MARF1: variants seen among roughly 807,000 people sequenced by gnomAD.
MARF1 encodes limkain-b1.
Under a neutral mutation model 168.2 loss-of-function variants are expected in MARF1, and 24 were observed. The ratio of observed to expected loss-of-function variants is 0.14; its 90% CI spans 0.10 to 0.20. The LOEUF is 0.20. Ranked by LOEUF, MARF1 falls within the 10% of genes least tolerant of loss-of-function variation. The pLI, the probability that MARF1 is intolerant of heterozygous loss-of-function variation, is 1.00. For missense variants in MARF1, 1,744 were observed against 2,143.6 expected, an observed-to-expected ratio of 0.81 and a Z score of 3.68; for synonymous variants, 868 against 822.4, an observed-to-expected ratio of 1.06 and a Z score of -0.95.
intron 26 of MARF1, 57 bp downstream of exon 26, chr16:15,598,797 T>A (rs922491260): frequency 6.6e-7 from 1 of 1,517,954 alleles, no homozygotes; most frequent in African/African-American, 1.4e-5. Flanking sequence ...CAGTATCTCA[T>A]CGTGGTTTTG....
At chr16:15,611,892 T>C (rs1161469185) in intron 17 of MARF1, among the ~76,000 whole-genome samples, 158 bp from the exon 18 acceptor site, 1 of 152,182 alleles carries the variant, frequency 6.6e-6, no homozygotes, top group African/African-American at 2.4e-5. Flanking sequence ...ATGTAGTTGG[T>C]CAAAAGGAAC....
chr16:15,632,188 A>T (rs139422644), intron 5 of MARF1, among the ~76,000 whole-genome samples: 45 of 152,306 alleles, frequency 3.0e-4, no homozygotes, highest in African/African-American at 1.0e-3. Context: ...CTTTCAGAAA[A>T]TAAGTAGAAT....
intron 5 of MARF1, 30 bp downstream of exon 5, chr16:15,633,587 G>A (rs1010467183): frequency 2.1e-6 from 3 of 1,430,178 alleles, no homozygotes; most frequent in Non-Finnish European, 9.6e-7. Context: ...CTCTACTGTA[G>A]ATTAAAATTA....
rs1156389136 is a variant in MARF1, at chr16:15,636,115, T to A, written c.372A>T (p.Gly124=). 1 of 1,614,048 alleles carries A rather than the reference T, an allele frequency of 6.2e-7. No individual in the cohort carries two copies. The highest frequency in any genetic ancestry group is 1.3e-5 in the African/African-American group (1 of 74,904). Residue 124 remains glycine (G), a synonymous_variant, in exon 3 of 27, where the codon GGA becomes GGT. Transcript: ENST00000396368. ...CCGGGTGAATCAAGCTACTGGTACC[T>A]CCGCTACCGCCACCACCACCACCAA... The part of the protein sequence containing the change: ...MRFGGGGGGS[G]GTSSLIHPGA...
At chr16:15,605,269 A>G (rs943554445) in intron 21 of MARF1, among the ~76,000 whole-genome samples, 4 of 152,180 alleles carry the variant, frequency 2.6e-5, no homozygotes, top group Admixed American at 2.0e-4. Flanking sequence ...TTTTCCTGCC[A>G]GGGCCAAAGG....
chr16:15,615,130 C>T (rs1241288270), intron 16 of MARF1, among the ~76,000 whole-genome samples: 1 of 152,230 alleles, frequency 6.6e-6, no homozygotes, highest in East Asian at 1.9e-4. Flanking sequence ...AAAAGCTTCA[C>T]AAAATTAGGT....
chr16:15,613,134 G>A (rs1176270386), intron 16 of MARF1, among the ~76,000 whole-genome samples: 4 of 152,118 alleles, frequency 2.6e-5, no homozygotes, highest in South Asian at 2.1e-4. Context: ...CATGTGGAAC[G>A]TACCTTTCCA....
At position 15,640,682 on chromosome 16, in the gene MARF1, T is replaced by G. The variant is rs1478579300; in HGVS notation, c.-58-1391A>C. Among the ~76,000 whole-genome samples the G allele has an allele frequency of 2.6e-5, 4 of 152,156 alleles. No individual in the cohort carries two copies. In the South Asian group the frequency reaches 6.2e-4, roughly 24 times the overall value. On this transcript the variant is annotated intron_variant, in intron 1 of 26. Coordinates refer to ENST00000396368, the MANE Select transcript of MARF1 (RefSeq NM_014647.4). ...CTGCACTGCAGCCTGGGCGACGGAGTGAGACCCTGTCTCAAAAACCAACAA... is the reference window on the plus strand; with the variant it reads ...CTGCACTGCAGCCTGGGCGACGGAGGGAGACCCTGTCTCAAAAACCAACAA...
intron 25 of MARF1, 84 bp downstream of exon 25, chr16:15,600,344 G>A: frequency 6.4e-7 from 1 of 1,566,236 alleles, no homozygotes; most frequent in South Asian, 1.1e-5. Flanking sequence ...ACTTGCTGGA[G>A]TCCTTTCCCT....
chr16:15,611,145 A>G (rs748899842), intron 18 of MARF1, 37 bp from the exon 19 acceptor site: 40 of 1,604,138 alleles, frequency 2.5e-5, no homozygotes, highest in Non-Finnish European at 6.0e-6. Flanking sequence ...CGGAATGAGT[A>G]GTATCATCGG....
At chr16:15,599,465 G>A (rs999790435) in intron 25 of MARF1, among the ~76,000 whole-genome samples, 4 of 152,192 alleles carry the variant, frequency 2.6e-5, no homozygotes, top group African/African-American at 9.6e-5. Context: ...CCGAGCCTCC[G>A]CTGCACAACG....
rs770083686 is a variant in MARF1 at position 15,612,573 on chromosome 16, A to G, written c.3458T>C (p.Val1153Ala). ...YSKLIELLEA[V>A]PHVLQILGMG... ...ACGCCTTACCTGCAATACATGAGGC[A>G]CTGCTTCTAATAACTCAATCAGCTT... Residue 1153 changes from valine (V) to alanine (A), a missense_variant, in exon 17 of 27, where the codon GTG becomes GCG. By Grantham distance (64) the Val-to-Ala change is moderately conservative. This residue lies in a region of MARF1 where 543 missense variants were observed against 742.1 expected (regional missense o/e 0.73). Transcript: ENST00000396368. 23 of 1,613,940 alleles carry G rather than the reference A, an allele frequency of 1.4e-5. No individual in the cohort carries two copies. Among genetic ancestry groups the G allele is most frequent in the Non-Finnish European group, 1.9e-5 (22 of 1,179,902 alleles).
chr16:15,626,063 T>C (rs577668474), intron 7 of MARF1, among the ~76,000 whole-genome samples: 4 of 152,276 alleles, frequency 2.6e-5, no homozygotes, highest in South Asian at 4.1e-4. Context: ...CCCAGGAAGA[T>C]TGAGGCTGGA....
chr16:15,613,183 A>C (rs1015138975), intron 16 of MARF1, among the ~76,000 whole-genome samples: 4 of 152,190 alleles, frequency 2.6e-5, no homozygotes, highest in African/African-American at 7.2e-5. Context: ...GGCCCAGAAG[A>C]GCAAAATTAA....
chr16:15,608,328 A>G lies in MARF1; in HGVS notation c.4145T>C (p.Ile1382Thr). ...GCAGAGTTTCTGAGTTAAAGCCGAA[A>G]TGGAACTGACATCATAGTCTTGGAG... is the stretch of plus-strand genomic sequence containing the variant. ...FRLQDYDVSSISALTQKLCHV... is the reference protein window; with the variant it reads ...FRLQDYDVSSTSALTQKLCHV... Residue 1382 changes from isoleucine (I) to threonine (T), a missense_variant, in exon 21 of 27, where the codon ATT becomes ACT. By Grantham distance (89) the Ile-to-Thr change is moderately conservative. Transcript: ENST00000396368. 6.2e-7 allele frequency: 1 copy of G among 1,613,486 alleles called. No homozygotes were observed.
chr16:15,625,938 G>GTAAAT, intron 7 of MARF1, 138 bp from the exon 8 acceptor site: 1 of 662,078 alleles, frequency 1.5e-6, no homozygotes, highest in South Asian at 1.9e-5. Context: ...ATGGGAGAGG[G>GTAAAT]TAAATTATTT....
rs1322165408 is a variant in MARF1, at chr16:15,595,022, C to T, written c.*1671G>A. 2 of 152,608 alleles carry T rather than the reference C, an allele frequency of 1.3e-5. No individual in the cohort carries two copies. Among genetic ancestry groups the T allele is most frequent in the African/African-American group, 2.4e-5 (1 of 41,432 alleles). 9.5% of individuals were successfully genotyped at this position (152,608 alleles called of 1,614,324 possible). On this transcript the variant is annotated 3_prime_UTR_variant, in exon 27 of 27. Transcript: ENST00000396368. ...AGCCTTATGAAATCTTAGAATAAGG[C>T]AACTGATGTTCTCAACACCAATTAT... is the stretch of plus-strand genomic sequence containing the variant.
chr16:15,618,633 G>T (rs2034237425), intron 13 of MARF1, among the ~76,000 whole-genome samples: 1 of 152,070 alleles, frequency 6.6e-6, no homozygotes, highest in Admixed American at 6.6e-5. Flanking sequence ...GGCCCTGGTG[G>T]CATTCCATCC....
chr16:15,594,556 A>G lies in MARF1; in HGVS notation c.*2137T>C, dbSNP rs762049557. 1.6e-4 allele frequency: 25 copies of G among 152,632 alleles called. No homozygotes were observed. The highest frequency in any genetic ancestry group is 5.8e-4 in the African/African-American group (24 of 41,458). The allele number at this position is 152,632 out of a possible 1,614,324, so 9.5% of individuals were successfully genotyped here. A position where few individuals can be genotyped will look rare whatever the true frequency, so the allele number is the denominator to read the frequency against. ...CAAGATGGGAAAGGGGGTTTTGGTG[A>G]TAACTTTTGTCATTTTTTTAAACAG... On this transcript the variant is annotated 3_prime_UTR_variant, in exon 27 of 27. Coordinates refer to ENST00000396368, the MANE Select transcript of MARF1 (RefSeq NM_014647.4).
Sources: allele counts gnomAD v4.1 joint callset (sites outside exome capture counted in the v4.1 genomes callset), GRCh38; gene constraint gnomAD v4.1.1; regional missense constraint gnomAD v4.1.1; transcripts MANE v1.5; gene names NCBI Gene and HGNC (gene_info 2026-07-23, HGNC 2026-07-21).